FAM135B: variants seen among roughly 807,000 people sequenced by gnomAD.
FAM135B encodes the protein protein FAM135B.
FAM135B carries 43 observed loss-of-function variants against 127.7 expected under a neutral mutation model. The ratio of observed to expected loss-of-function variants is 0.34; its 90% CI spans 0.26 to 0.43. The LOEUF is 0.43. Among genes scored for constraint, FAM135B ranks in the 20% least tolerant of loss-of-function variants. The pLI is 1.00. For missense variants in FAM135B, 1,558 were observed against 1,725.6 expected, an observed-to-expected ratio of 0.90 and a Z score of 1.72; for synonymous variants, 670 against 665.1, an observed-to-expected ratio of 1.01 and a Z score of -0.11.
chr8:138,325,401 CATCT>C (rs1391613695), intron 2 of FAM135B, among the ~76,000 whole-genome samples: 6 of 152,134 alleles, frequency 3.9e-5, no homozygotes, highest in Admixed American at 2.0e-4. Context: ...AGTTTTTACA[CATCT>C]ATCAGCACCA....
In FAM135B at chr8:138,496,792, G is replaced by A. The variant is rs545211009; in HGVS notation, c.-141C>T. ...CGGCGGCGGCGGCGGCGGGCGGACTGGGGAGTCCGCAGCACCTGCGAGCTG... is the reference window on the plus strand; with the variant it reads ...CGGCGGCGGCGGCGGCGGGCGGACTAGGGAGTCCGCAGCACCTGCGAGCTG... On this transcript the variant is annotated 5_prime_UTR_variant, in exon 1 of 20. Coordinates refer to ENST00000395297, the MANE Select transcript of FAM135B (RefSeq NM_015912.4). The A allele has an allele frequency of 2.9e-3, 440 of 153,528 alleles. No homozygotes were observed. The highest frequency in any genetic ancestry group is 4.6e-3 in the Non-Finnish European group (319 of 68,940). The allele number at this position is 153,528 out of a possible 1,614,324, so 9.5% of individuals were successfully genotyped here.
At chr8:138,288,546 T>C (rs1230536650) in intron 3 of FAM135B, among the ~76,000 whole-genome samples, 3 of 152,078 alleles carry the variant, frequency 2.0e-5, no homozygotes, top group Non-Finnish European at 4.4e-5. Context: ...AAGGAGAAAG[T>C]TCCTGGCAAG....
intron 1 of FAM135B, among the ~76,000 whole-genome samples, chr8:138,468,502 C>T (rs1486653107): frequency 1.3e-5 from 2 of 152,108 alleles, no homozygotes; most frequent in African/African-American, 4.8e-5. Context: ...ATTTGCCACC[C>T]ATCACTCTTC....
intron 1 of FAM135B, among the ~76,000 whole-genome samples, chr8:138,492,897 C>T (rs1815256986): frequency 6.6e-6 from 1 of 152,176 alleles, no homozygotes; most frequent in African/African-American, 2.4e-5. Flanking sequence ...GATCCCCCAA[C>T]TACATATTAA....
chr8:138,468,039 T>G (rs184168564), intron 1 of FAM135B, among the ~76,000 whole-genome samples: 1 of 152,268 alleles, frequency 6.6e-6, no homozygotes. Context: ...TAGGCATTCA[T>G]GCGCTGATAA....
rs1837280495 is a variant in FAM135B at position 138,464,302 on chromosome 8, A to AT, written c.-20+32368dup. On this transcript the variant is annotated intron_variant, in intron 1 of 19. Coordinates refer to ENST00000395297, the MANE Select transcript of FAM135B (RefSeq NM_015912.4). ...ACTCCCTCCTGAGACACAAATGGAC[A>AT]TCTCTTTGGTCTGTATGCTTTGTTC... is the stretch of plus-strand genomic sequence containing the variant. Among the ~76,000 whole-genome samples the AT allele has an allele frequency of 2.6e-5, 4 of 152,082 alleles. No individual in the cohort carries two copies. The South Asian group carries it at 8.3e-4, about 32-fold the overall frequency.
At chr8:138,356,691 C>T (rs923347334) in intron 2 of FAM135B, among the ~76,000 whole-genome samples, 1 of 152,082 alleles carries the variant, frequency 6.6e-6, no homozygotes, top group African/African-American at 2.4e-5. Flanking sequence ...TCAGAACAGC[C>T]TCCAATGGTG....
rs576972245 is a variant in FAM135B at position 138,296,171 on chromosome 8, A to G, written c.157+14670T>C. Among the ~76,000 whole-genome samples, 3 of 152,200 alleles carry G rather than the reference A, an allele frequency of 2.0e-5. No individual in the cohort carries two copies. The East Asian group carries it at 5.8e-4, about 29-fold the overall frequency. On this transcript the variant is annotated intron_variant, in intron 3 of 19. Coordinates refer to ENST00000395297, the MANE Select transcript of FAM135B (RefSeq NM_015912.4). ...GTCTTTTCCTCTTAATTCTCTGGCT[A>G]TTCCTCCTCAGGCATCCTCATCAAC...
chr8:138,319,066 CTCAG>C (rs1255907800), intron 2 of FAM135B, among the ~76,000 whole-genome samples: 1 of 143,580 alleles, frequency 7.0e-6, no homozygotes, highest in African/African-American at 2.6e-5. Flanking sequence ...AGTTCACAGA[CTCAG>C]TAAGTAAATC....
intron 2 of FAM135B, among the ~76,000 whole-genome samples, chr8:138,329,506 A>T (rs1234386989): frequency 6.6e-6 from 1 of 152,250 alleles, no homozygotes; most frequent in Non-Finnish European, 1.5e-5. Flanking sequence ...CTGTTCAGGC[A>T]GAACAACAAC....
chr8:138,302,991 T>A (rs1825996476), intron 3 of FAM135B, among the ~76,000 whole-genome samples: 1 of 151,990 alleles, frequency 6.6e-6, no homozygotes, highest in African/African-American at 2.4e-5. Context: ...TTGGTAGGAG[T>A]GTAAATTAGT....
chr8:138,427,685 G>T (rs1834973412), intron 1 of FAM135B, among the ~76,000 whole-genome samples: 1 of 152,064 alleles, frequency 6.6e-6, no homozygotes, highest in Non-Finnish European at 1.5e-5. Context: ...CACTTATTAA[G>T]AGTAGATCTA....
At chr8:138,273,456 G>C (rs146209193) in intron 3 of FAM135B, among the ~76,000 whole-genome samples, 4 of 152,270 alleles carry the variant, frequency 2.6e-5, no homozygotes, top group African/African-American at 9.6e-5. Flanking sequence ...CGCCCACCTT[G>C]GCTTCCCAGA....
At chr8:138,326,749 T>C (rs1827818451) in intron 2 of FAM135B, among the ~76,000 whole-genome samples, 1 of 152,174 alleles carries the variant, frequency 6.6e-6, no homozygotes, top group African/African-American at 2.4e-5. Flanking sequence ...TTACTAATGG[T>C]GCATGACTCC....
At chr8:138,281,512 T>C (rs1457913618) in intron 3 of FAM135B, among the ~76,000 whole-genome samples, 1 of 152,132 alleles carries the variant, frequency 6.6e-6, no homozygotes, top group Non-Finnish European at 1.5e-5. Context: ...TACATGTTTC[T>C]AAAAGCTCGA....
intron 3 of FAM135B, among the ~76,000 whole-genome samples, chr8:138,302,134 G>GTTA (rs67616345): frequency 2.6e-5 from 4 of 151,026 alleles, no homozygotes; most frequent in East Asian, 2.0e-4. Flanking sequence ...TGAAGGAAGT[G>GTTA]TTATTATTAT....
intron 12 of FAM135B, 142 bp downstream of exon 12, chr8:138,167,753 T>A: frequency 1.0e-6 from 1 of 962,214 alleles, no homozygotes; most frequent in East Asian, 2.7e-5. Flanking sequence ...TTCAAACCAT[T>A]ACTTTGTTTC....
intron 3 of FAM135B, among the ~76,000 whole-genome samples, chr8:138,296,960 G>A (rs562675803): frequency 6.6e-6 from 1 of 152,270 alleles, no homozygotes; most frequent in South Asian, 2.1e-4. Context: ...GGTAAGCACT[G>A]AAATCACACA....
At chr8:138,311,457 G>A (rs1202583432) in intron 2 of FAM135B, among the ~76,000 whole-genome samples, 26 of 152,108 alleles carry the variant, frequency 1.7e-4, no homozygotes, top group Admixed American at 1.7e-3. Context: ...CACCATTTCA[G>A]GACAATGTGC....
Sources: allele counts gnomAD v4.1 joint callset (sites outside exome capture counted in the v4.1 genomes callset), GRCh38; gene constraint gnomAD v4.1.1; transcripts MANE v1.5; gene names NCBI Gene and HGNC (gene_info 2026-07-23, HGNC 2026-07-21).